CSMD1: variants seen among roughly 807,000 people sequenced by gnomAD.
CSMD1 encodes the protein CUB and Sushi multiple domains 1.
In CSMD1, 213 loss-of-function variants were observed where a neutral mutation model predicts 417.5. That is an observed-to-expected ratio of 0.51 (90% CI 0.46 to 0.57). The LOEUF is 0.57. Ranked by LOEUF, CSMD1 falls within the 20% of genes least tolerant of loss-of-function variation. The pLI is 0.00. For missense variants in CSMD1, 6,923 were observed against 4,529.7 expected, an observed-to-expected ratio of 1.53 and a Z score of -15.17; for synonymous variants, 2,862 against 1,736.8, an observed-to-expected ratio of 1.65 and a Z score of -16.11.
intron 1 of CSMD1, among the ~76,000 whole-genome samples, chr8:4,924,735 A>AC (rs1806737869): frequency 6.6e-6 from 1 of 151,454 alleles, no homozygotes; most frequent in Admixed American, 6.6e-5. Context: ...AAAAAAAAAA[A>AC]AAAAAAAAAA....
intron 1 of CSMD1, among the ~76,000 whole-genome samples, chr8:4,914,912 A>C (rs1269683565): frequency 2.0e-5 from 3 of 152,294 alleles, no homozygotes; most frequent in East Asian, 3.9e-4. Flanking sequence ...AGTCACAGAA[A>C]ACAGGAACAG....
chr8:3,630,668 A>G (rs1156448451), intron 7 of CSMD1, among the ~76,000 whole-genome samples: 1 of 152,068 alleles, frequency 6.6e-6, no homozygotes, highest in Non-Finnish European at 1.5e-5. Flanking sequence ...TGCGTTCGAG[A>G]AAAAATGTGA....
chr8:4,684,944 C>T (rs1462192665), intron 1 of CSMD1, among the ~76,000 whole-genome samples: 1 of 152,048 alleles, frequency 6.6e-6, no homozygotes, highest in Non-Finnish European at 1.5e-5. Context: ...CATTTGCTCC[C>T]AATTGCTGAA....
chr8:3,176,762 C>A (rs912834115), intron 37 of CSMD1, among the ~76,000 whole-genome samples: 2 of 147,646 alleles, frequency 1.4e-5, no homozygotes, highest in African/African-American at 5.0e-5. Flanking sequence ...CCTTTTCTTT[C>A]TTTCTTTTTC....
intron 17 of CSMD1, among the ~76,000 whole-genome samples, chr8:3,395,329 A>G (rs1290791183): frequency 6.6e-6 from 1 of 152,076 alleles, no homozygotes; most frequent in African/African-American, 2.4e-5. Context: ...TTTCCGTGCT[A>G]CTCTTTGAGG....
rs192905706 is a variant in CSMD1 at position 4,041,540 on chromosome 8, A to T, written c.416-9441T>A. ...AGAATGTTCAAGAATATTTATGGGA[A>T]TACAAAAATATTCAGCACCTGTCAA... On this transcript the variant is annotated intron_variant, in intron 3 of 69. Transcript: ENST00000635120. Among the ~76,000 whole-genome samples the T allele has an allele frequency of 1.4e-4, 21 of 152,282 alleles. No homozygotes were observed. In the East Asian group the frequency reaches 2.9e-3, roughly 21 times the overall value.
At chr8:4,598,917 CA>C (rs1448823185) in intron 2 of CSMD1, among the ~76,000 whole-genome samples, 1 of 151,806 alleles carries the variant, frequency 6.6e-6, no homozygotes, top group Non-Finnish European at 1.5e-5. Flanking sequence ...TGAAGATCTT[CA>C]AAAAAACAAT....
At position 4,025,200 on chromosome 8, in the gene CSMD1, G is replaced by C. The variant is rs901423339; in HGVS notation, c.610+6705C>G. Among the ~76,000 whole-genome samples, 15 of 152,210 alleles carry C rather than the reference G, an allele frequency of 9.9e-5. 1 individual carries two copies. The highest frequency in any genetic ancestry group is 2.9e-4 in the African/African-American group (12 of 41,446). ...CACCCCCTCCTGGGGGAGTGTTCTGGATCAGATGTTAGCTTTCTCATGGAG... is the reference window on the plus strand; with the variant it reads ...CACCCCCTCCTGGGGGAGTGTTCTGCATCAGATGTTAGCTTTCTCATGGAG... On this transcript the variant is annotated intron_variant, in intron 4 of 69. Transcript: ENST00000635120.
At chr8:4,180,102 ATGCTGC>A in intron 3 of CSMD1, among the ~76,000 whole-genome samples, 2 of 152,266 alleles carry the variant, frequency 1.3e-5, no homozygotes, top group Non-Finnish European at 2.9e-5. Context: ...ACTATAAATC[ATGCTGC>A]TATGAAGACA....
intron 2 of CSMD1, among the ~76,000 whole-genome samples, chr8:4,432,132 C>G (rs927980404): frequency 4.6e-5 from 7 of 152,112 alleles, no homozygotes; most frequent in Non-Finnish European, 2.9e-5. Flanking sequence ...AAAATAAATC[C>G]TTGCTAAAGC....
chr8:4,531,868 C>T (rs962008552), intron 2 of CSMD1, among the ~76,000 whole-genome samples: 2 of 152,014 alleles, frequency 1.3e-5, no homozygotes, highest in African/African-American at 2.4e-5. Context: ...CATTCAGTCA[C>T]TCCGGAAGAG....
intron 3 of CSMD1, among the ~76,000 whole-genome samples, chr8:4,267,968 T>G (rs1804326562): frequency 6.6e-6 from 1 of 152,130 alleles, no homozygotes; most frequent in African/African-American, 2.4e-5. Context: ...GGATCTATTT[T>G]CTAGAGTCAG....
At chr8:3,454,147 T>G (rs1435910880) in intron 12 of CSMD1, among the ~76,000 whole-genome samples, 2 of 152,204 alleles carry the variant, frequency 1.3e-5, no homozygotes, top group Non-Finnish European at 2.9e-5. Context: ...CTGCCTTTTT[T>G]TGTTTTCCAT....
intron 2 of CSMD1, among the ~76,000 whole-genome samples, chr8:4,429,024 G>A (rs1261825700): frequency 6.6e-6 from 1 of 151,874 alleles, no homozygotes; most frequent in Non-Finnish European, 1.5e-5. Context: ...CTTATCTTAG[G>A]TATTTTTTTA....
At chr8:3,822,636 T>G (rs1050795707) in intron 5 of CSMD1, among the ~76,000 whole-genome samples, 1 of 152,198 alleles carries the variant, frequency 6.6e-6, no homozygotes, top group Non-Finnish European at 1.5e-5. Flanking sequence ...CTCTACTTGC[T>G]TTATTACATT....
chr8:4,724,620 T>C (rs1476030935), intron 1 of CSMD1, among the ~76,000 whole-genome samples: 2 of 152,052 alleles, frequency 1.3e-5, no homozygotes, highest in Admixed American at 1.3e-4. Context: ...TTATGTGATA[T>C]TATTTGGAAA....
chr8:3,157,839 C>T, intron 39 of CSMD1, 58 bp downstream of exon 39: 1 of 1,353,978 alleles, frequency 7.4e-7, no homozygotes, highest in Non-Finnish European at 1.0e-6. Flanking sequence ...AAGAGTAGAG[C>T]AGGCATGTTC....
At chr8:4,327,459 C>T (rs1433545060) in intron 3 of CSMD1, among the ~76,000 whole-genome samples, 1 of 152,154 alleles carries the variant, frequency 6.6e-6, no homozygotes, top group African/African-American at 2.4e-5. Context: ...CTCCAGGTTG[C>T]TGCCTGTAGG....
At chr8:3,794,835 T>G (rs1329520459) in intron 5 of CSMD1, among the ~76,000 whole-genome samples, 1 of 151,156 alleles carries the variant, frequency 6.6e-6, no homozygotes, top group Non-Finnish European at 1.5e-5. Flanking sequence ...GGTAAAATTA[T>G]CAAGGAAGCC....
Sources: gnomAD v4.1 joint callset for allele counts (sites outside exome capture counted in the v4.1 genomes callset) on GRCh38, gnomAD v4.1.1 for gene constraint, MANE v1.5 for transcripts, NCBI Gene and HGNC (gene_info 2026-07-23, HGNC 2026-07-21) for gene names.